Variants in BDH2 observed in about 807,000 individuals in gnomAD.
BDH2 encodes dehydrogenase/reductase SDR family member 6.
In BDH2, 24 loss-of-function variants were observed where a neutral mutation model predicts 33.2. That is an observed-to-expected ratio of 0.72 (90% CI 0.52 to 1.02). BDH2 has a LOEUF of 1.02. Among genes scored for constraint, BDH2 ranks in the 50% least tolerant of loss-of-function variants. BDH2 has a pLI of 0.00. For missense variants in BDH2, 249 were observed against 301.6 expected, an observed-to-expected ratio of 0.83 and a Z score of 1.29; for synonymous variants, 81 against 101.6, an observed-to-expected ratio of 0.80 and a Z score of 1.22.
intron 1 of BDH2, 48 bp from the exon 2 acceptor site, chr4:103,096,322 A>C (rs1029946583): frequency 6.5e-5 from 80 of 1,225,112 alleles, no homozygotes; most frequent in South Asian, 2.5e-5. Context: ...CATGATCTTG[A>C]GCAGGCAGTA....
chr4:103,095,146 T>C, intron 3 of BDH2, 57 bp downstream of exon 3: 3 of 1,396,484 alleles, frequency 2.1e-6, no homozygotes, highest in South Asian at 1.2e-5. Context: ...GTGAGCGCCA[T>C]GCTTTATAAT....
intron 8 of BDH2, among the ~76,000 whole-genome samples, 180 bp downstream of exon 8, chr4:103,082,691 T>C (rs754888416): frequency 2.0e-4 from 30 of 152,080 alleles, no homozygotes; most frequent in Non-Finnish European, 4.0e-4. Flanking sequence ...CAAGCAGAAC[T>C]CTTTTCATCT....
intron 5 of BDH2, among the ~76,000 whole-genome samples, chr4:103,087,356 CTTGGGGAT>C (rs1213722665): frequency 1.3e-5 from 2 of 152,068 alleles, no homozygotes; most frequent in Non-Finnish European, 2.9e-5. Flanking sequence ...CATGTTCAGA[CTTGGGGAT>C]TGCAAGGATT....
chr4:103,082,756 C>G (rs1251325293), intron 8 of BDH2, 115 bp downstream of exon 8: 3 of 915,812 alleles, frequency 3.3e-6, no homozygotes, highest in Non-Finnish European at 5.4e-6. Context: ...TCCCTCCTTC[C>G]AAGCCCCTGG....
chr4:103,099,520 G>C (rs1408691220), intron 1 of BDH2: 1 of 152,092 alleles, frequency 6.6e-6, no homozygotes, highest in Admixed American at 6.6e-5. Context: ...GACACAAACA[G>C]CATATTCAGG....
intron 3 of BDH2, 23 bp from the exon 4 acceptor site, chr4:103,092,719 C>A: frequency 1.3e-6 from 2 of 1,528,410 alleles, no homozygotes; most frequent in South Asian, 2.2e-5. Context: ...ACAAGAGGCA[C>A]TATTCCTAAA....
rs762028846 is a variant in BDH2 at position 103,077,930 on chromosome 4, T to A, written c.*1772A>T. ...GTCCAAAACCTCATAGATAATCTTATAATCAATGGACTCTTTCTGAATGCT... is the reference window on the plus strand; with the variant it reads ...GTCCAAAACCTCATAGATAATCTTAAAATCAATGGACTCTTTCTGAATGCT... On this transcript the variant is annotated 3_prime_UTR_variant, in exon 10 of 10. Transcript: ENST00000296424. Among the ~76,000 whole-genome samples the A allele has an allele frequency of 6.6e-6, 1 of 152,228 alleles. No individual in the cohort carries two copies. The highest frequency in any genetic ancestry group is 1.5e-5 in the Non-Finnish European group (1 of 68,036).
chr4:103,089,848 A>C (rs951847106), intron 5 of BDH2, among the ~76,000 whole-genome samples: 6 of 152,214 alleles, frequency 3.9e-5, no homozygotes, highest in Admixed American at 6.5e-5. Context: ...ATTAAAAAAA[A>C]CAATTTGTTA....
intron 5 of BDH2, among the ~76,000 whole-genome samples, chr4:103,090,041 G>A (rs960073990): frequency 6.6e-6 from 1 of 152,142 alleles, no homozygotes. Context: ...GCCCTGCTGT[G>A]CCATTAACAA....
intron 9 of BDH2, among the ~76,000 whole-genome samples, chr4:103,080,007 A>G (rs1204019414): frequency 6.6e-6 from 1 of 152,242 alleles, no homozygotes; most frequent in Non-Finnish European, 1.5e-5. Context: ...ATTTGGTCTC[A>G]GAATCCCCAA....
At chr4:103,094,067 A>G (rs1302797536) in intron 3 of BDH2, among the ~76,000 whole-genome samples, 7 of 152,146 alleles carry the variant, frequency 4.6e-5, no homozygotes, top group East Asian at 1.9e-4. Flanking sequence ...GTAAACTGCA[A>G]TTAAAATCCT....
At chr4:103,080,467 TA>T (rs1184670671) in intron 9 of BDH2, among the ~76,000 whole-genome samples, 1 of 152,180 alleles carries the variant, frequency 6.6e-6, no homozygotes, top group Admixed American at 6.5e-5. Context: ...AAATGGATAA[TA>T]AAGACTCAAA....
chr4:103,079,570 C>T lies in BDH2; in HGVS notation c.*132G>A, dbSNP rs1373326022. 7 of 786,724 alleles carry T rather than the reference C, an allele frequency of 8.9e-6. No homozygotes were observed. Among genetic ancestry groups the T allele is most frequent in the Non-Finnish European group, 1.5e-5 (7 of 472,690 alleles). 48.7% of individuals were successfully genotyped at this position (786,724 alleles called of 1,614,324 possible). On this transcript the variant is annotated 3_prime_UTR_variant, in exon 10 of 10. Coordinates refer to ENST00000296424, the MANE Select transcript of BDH2 (RefSeq NM_020139.4). ...AGAATCAGACTCTTGCAAACAGTGA[C>T]ATCATTAAAAAGAGCTTATTTTCAT...
At chr4:103,098,269 T>C (rs762503241) in intron 1 of BDH2, among the ~76,000 whole-genome samples, 1 of 152,220 alleles carries the variant, frequency 6.6e-6, no homozygotes, top group African/African-American at 2.4e-5. Context: ...AGGTAGGACC[T>C]GATCACCAAC....
At chr4:103,085,948 T>C (rs6825519) in intron 6 of BDH2, 247,680 of 1,180,152 alleles carry the variant, frequency 0.21, 26,935 homozygotes, top group African/African-American at 0.34. Flanking sequence ...CCACATTTTG[T>C]ACTGCTGTCC....
At chr4:103,085,700 T>C in intron 6 of BDH2, 1 of 1,442,226 alleles carries the variant, frequency 6.9e-7, no homozygotes, top group Non-Finnish European at 9.2e-7. Context: ...TGAACTTACT[T>C]AACATTGGTA....
chr4:103,087,407 G>A (rs1398249511), intron 5 of BDH2, among the ~76,000 whole-genome samples: 1 of 152,228 alleles, frequency 6.6e-6, no homozygotes, highest in Non-Finnish European at 1.5e-5. Context: ...GGAAGCTGAT[G>A]CAGGCTTCAG....
chr4:103,089,956 G>C (rs1441955263), intron 5 of BDH2, among the ~76,000 whole-genome samples: 1 of 152,128 alleles, frequency 6.6e-6, no homozygotes, highest in African/African-American at 2.4e-5. Flanking sequence ...TACTAAGTCA[G>C]TTTCTCTAAT....
intron 6 of BDH2, chr4:103,085,751 G>A: frequency 7.3e-7 from 1 of 1,360,718 alleles, no homozygotes; most frequent in Non-Finnish European, 9.6e-7. Context: ...CTCTTAGGCA[G>A]ATTCCAAAAG....
Sources: gnomAD v4.1 joint callset for allele counts (sites outside exome capture counted in the v4.1 genomes callset) on GRCh38, gnomAD v4.1.1 for gene constraint, MANE v1.5 for transcripts, NCBI Gene and HGNC (gene_info 2026-07-23, HGNC 2026-07-21) for gene names.